The following ARHGAP11A variants were observed in gnomAD, a reference collection of about 807,000 sequenced individuals.
ARHGAP11A encodes the protein Rho GTPase activating protein 11A, also known as rho GTPase-activating protein 11A.
Under a neutral mutation model 60.5 loss-of-function variants are expected in ARHGAP11A, and 36 were observed. That is an observed-to-expected ratio of 0.59 (90% CI 0.46 to 0.79). The LOEUF is 0.79. Among genes scored for constraint, ARHGAP11A ranks in the 30% least tolerant of loss-of-function variants. The probability of loss-of-function intolerance (pLI) is 0.00; values close to 1 mark genes in which losing one functional copy is unlikely to be tolerated. For missense variants in ARHGAP11A, 1,071 were observed against 1,199.2 expected (o/e 0.89, Z 1.58); for synonymous variants, 362 against 415.5 (o/e 0.87, Z 1.57).
chr15:32,622,254 C>A (rs1567050562), intron 2 of ARHGAP11A, among the ~76,000 whole-genome samples: 2 of 152,294 alleles, frequency 1.3e-5, no homozygotes, highest in Non-Finnish European at 2.9e-5. Context: ...CTTGTCTCTA[C>A]AAAAAATAGA....
Position 32,625,194 on chromosome 15 carries a change from A to T in ARHGAP11A, c.666A>T (p.Arg222=). ...KMSSNTEKKL[R]LQAAVVQTLI... is the part of the protein sequence containing the mutation. ...CTTCTAACACAGAAAAGAAGCTACG[A>T]TTACAGGCTGCAGTAGTACAGACTC... Residue 222 remains arginine, a synonymous_variant, in exon 5 of 12, where the codon CGA becomes CGT. Transcript: ENST00000361627. 4.3e-6 allele frequency: 7 copies of T among 1,613,926 alleles called. No homozygotes were observed. Among genetic ancestry groups the T allele is most frequent in the Non-Finnish European group, 5.9e-6 (7 of 1,179,828 alleles).
intron 7 of ARHGAP11A, 60 bp from the exon 8 acceptor site, chr15:32,629,535 T>A: frequency 7.0e-7 from 1 of 1,422,206 alleles, no homozygotes; most frequent in Non-Finnish European, 9.5e-7. Context: ...TATGTAAAGC[T>A]TTTATATGTT....
At chr15:32,618,794 A>G (rs1008540505) in intron 1 of ARHGAP11A, among the ~76,000 whole-genome samples, 1 of 141,062 alleles carries the variant, frequency 7.1e-6, no homozygotes, top group African/African-American at 2.6e-5. Context: ...TACTAAAAAT[A>G]CAAAAAAATT....
intron 2 of ARHGAP11A, among the ~76,000 whole-genome samples, chr15:32,622,039 C>G (rs1309556348): frequency 6.6e-6 from 1 of 152,292 alleles, no homozygotes; most frequent in Admixed American, 6.5e-5. Flanking sequence ...GGTGTAGATT[C>G]ACTGTCTTCT....
Position 32,615,919 on chromosome 15 carries a change from G to T in ARHGAP11A, c.-293G>T, listed in dbSNP as rs992465027. 1 of 459,766 alleles carries T rather than the reference G, an allele frequency of 2.2e-6. No individual in the cohort carries two copies. Among genetic ancestry groups the T allele is most frequent in the Admixed American group, 3.8e-5 (1 of 26,618 alleles). The allele number at this position is 459,766 out of a possible 1,614,324, so 28.5% of individuals were successfully genotyped here. On this transcript the variant is annotated 5_prime_UTR_variant, in exon 1 of 12. The change abolishes an upstream ATG in the 5' untranslated region. Transcript: ENST00000361627. ...CCGAAAGAATCAGAAAGAAGTCTAT[G>T]TGAGTAGCTGAAAGCATTGGGTGAC...
At position 32,636,732 on chromosome 15, in the gene ARHGAP11A, A is replaced by G; in HGVS notation, c.1959A>G (p.Glu653=). ...LFETNDLTIV[E]SKEKYEHHTG... ...AAACTAATGATTTGACTATAGTAGA[A>G]TCAAAGGAGAAATATGAACACCACA... The change falls in exon 12 of 12, where the codon GAA becomes GAG. Residue 653 remains glutamate, a synonymous_variant. Transcript: ENST00000361627. The G allele has an allele frequency of 6.2e-7, 1 of 1,613,838 alleles. No individual in the cohort carries two copies. Among genetic ancestry groups the G allele is most frequent in the Non-Finnish European group, 8.5e-7 (1 of 1,179,942 alleles).
At chr15:32,633,443 C>T (rs527704626) in intron 9 of ARHGAP11A, among the ~76,000 whole-genome samples, 4 of 152,072 alleles carry the variant, frequency 2.6e-5, no homozygotes, top group South Asian at 2.1e-4. Context: ...GAGTTCAAGA[C>T]CAGCCTGGGC....
At position 32,636,238 on chromosome 15, in the gene ARHGAP11A, C is replaced by A. The variant is rs372403826; in HGVS notation, c.1484-19C>A. On this transcript the variant is annotated intron_variant, in intron 11 of 11. Transcript: ENST00000361627. ...AAGGTTAAATACAAAGGATTAAGCACTGAACTGCTTTATTTTAGGTTCAGA... is the reference window on the plus strand; with the variant it reads ...AAGGTTAAATACAAAGGATTAAGCAATGAACTGCTTTATTTTAGGTTCAGA... 1.3e-6 allele frequency: 2 copies of A among 1,562,688 alleles called. No homozygotes were observed. The highest frequency in any genetic ancestry group is 2.8e-5 in the African/African-American group (2 of 72,704).
chr15:32,629,632 T>C lies in ARHGAP11A; in HGVS notation c.975T>C (p.Asn325=). ...LSESPVILTP[N]AKRTLPVDSS... ...AATCACCAGTGATTCTTACACCAAA[T>C]GCTAAGCGTACATTGCCAGTAGATT... Residue 325 remains asparagine (N), a synonymous_variant, in exon 8 of 12, where the codon AAT becomes AAC. Transcript: ENST00000361627. 1 of 1,612,570 alleles carries C rather than the reference T, an allele frequency of 6.2e-7. No homozygotes were observed. Among genetic ancestry groups the C allele is most frequent in the South Asian group, 1.1e-5 (1 of 90,534 alleles).
At chr15:32,618,718 G>A (rs187196087) in intron 1 of ARHGAP11A, among the ~76,000 whole-genome samples, 3,600 of 151,246 alleles carry the variant, frequency 0.024, 179 homozygotes, top group African/African-American at 0.084. Flanking sequence ...GGTGGATAAC[G>A]AGGTCAGGAG....
intron 2 of ARHGAP11A, among the ~76,000 whole-genome samples, chr15:32,622,426 A>G (rs1293144530): frequency 6.6e-6 from 1 of 152,116 alleles, no homozygotes; most frequent in Non-Finnish European, 1.5e-5. Context: ...ATAAAAACTA[A>G]AAGAAAAAAA....
intron 2 of ARHGAP11A, among the ~76,000 whole-genome samples, chr15:32,621,187 T>G (rs2053291758): frequency 7.7e-6 from 1 of 129,872 alleles, no homozygotes; most frequent in Non-Finnish European, 1.6e-5. Flanking sequence ...TTTATTCTTT[T>G]TTTTTTTTTT....
rs375487655 is a variant in ARHGAP11A at position 32,636,272 on chromosome 15, G to C, written c.1499G>C (p.Ser500Thr). The C allele has an allele frequency of 2.5e-6, 4 of 1,602,126 alleles. No homozygotes were observed. Among genetic ancestry groups the C allele is most frequent in the Non-Finnish European group, 3.4e-6 (4 of 1,175,870 alleles). The part of the protein sequence containing the change: ...KLPKKGSEKI[S>T]KSEETLLTPE... ...TTTATTTTAGGTTCAGAAAAGATCAGTAAGTCTGAGGAAACCTTACTAACT... is the reference window on the plus strand; with the variant it reads ...TTTATTTTAGGTTCAGAAAAGATCACTAAGTCTGAGGAAACCTTACTAACT... Residue 500 changes from serine to threonine, a missense_variant, in exon 12 of 12, where the codon AGT (serine) becomes ACT (threonine). Ser to Thr is a moderately conservative substitution (Grantham distance 58). Around this residue, in one of 4 missense-constraint regions of ARHGAP11A, gnomAD observed 776 missense variants for 760.2 expected, o/e 1.02. Coordinates refer to ENST00000361627, the MANE Select transcript of ARHGAP11A (RefSeq NM_014783.6).
rs1406343787 is a variant in ARHGAP11A at position 32,635,902 on chromosome 15, G to A, written c.1470G>A (p.Lys490=). The A allele has an allele frequency of 1.2e-6, 2 of 1,608,518 alleles. No individual in the cohort carries two copies. The highest frequency in any genetic ancestry group is 1.7e-6 in the Non-Finnish European group (2 of 1,178,298). ...TTTTTAGCCCAGATGTTGATGAAAA[G>A]TTACCAAAGAAAGGTACATTTACAT... ...GLLFSPDVDE[K]LPKKGSEKIS... Residue 490 remains lysine, a synonymous_variant, in exon 11 of 12, where the codon AAG becomes AAA. Coordinates refer to ENST00000361627, the MANE Select transcript of ARHGAP11A (RefSeq NM_014783.6).
intron 2 of ARHGAP11A, among the ~76,000 whole-genome samples, chr15:32,620,987 T>C (rs1365838023): frequency 6.6e-6 from 1 of 152,042 alleles, no homozygotes; most frequent in African/African-American, 2.4e-5. Context: ...AGAGGATTGT[T>C]TGACCCTAGG....
rs780760500 is a variant in ARHGAP11A at position 32,633,075 on chromosome 15, G to T, written c.1202G>T (p.Arg401Leu). The T allele has an allele frequency of 6.2e-7, 1 of 1,614,078 alleles. No homozygotes were observed. Among genetic ancestry groups the T allele is most frequent in the Non-Finnish European group, 8.5e-7 (1 of 1,179,970 alleles). The change falls in exon 9 of 12, where the codon CGA becomes CTA. Residue 401 changes from arginine to leucine, a missense_variant. Arg to Leu is a moderately radical substitution (Grantham distance 102). This residue lies in a region of ARHGAP11A where 776 missense variants were observed against 760.2 expected (regional missense o/e 1.02). Coordinates refer to ENST00000361627, the MANE Select transcript of ARHGAP11A (RefSeq NM_014783.6). ...TTGATCACTGCAGGTGTGCCAAGGC[G>T]AAGTAAAAGAATTGCAGGCAAAAAA... The part of the protein sequence containing the change: ...NHLITAGVPR[R>L]SKRIAGKKVC...
intron 8 of ARHGAP11A, 190 bp from the exon 9 acceptor site, chr15:32,632,789 A>C: frequency 2.1e-6 from 1 of 476,492 alleles, no homozygotes; most frequent in Non-Finnish European, 3.6e-6. Flanking sequence ...AGTCAAAAGT[A>C]AAAAATGAAT....
At chr15:32,635,023 T>C (rs561858575) in intron 10 of ARHGAP11A, among the ~76,000 whole-genome samples, 2 of 152,340 alleles carry the variant, frequency 1.3e-5, no homozygotes, top group Admixed American at 1.3e-4. Flanking sequence ...TGTTAGGTTA[T>C]GTAGTTTTCT....
At chr15:32,633,448 C>G (rs2053631617) in intron 9 of ARHGAP11A, among the ~76,000 whole-genome samples, 1 of 151,952 alleles carries the variant, frequency 6.6e-6, no homozygotes, top group Non-Finnish European at 1.5e-5. Flanking sequence ...CAAGACCAGC[C>G]TGGGCAACAT....
Sources: allele counts gnomAD v4.1 joint callset (sites outside exome capture counted in the v4.1 genomes callset), GRCh38; gene constraint gnomAD v4.1.1; regional missense constraint gnomAD v4.1.1; transcripts MANE v1.5; gene names NCBI Gene and HGNC (gene_info 2026-07-23, HGNC 2026-07-21).